Variants in CD151 observed in about 807,000 individuals in gnomAD.
CD151 encodes the protein CD151 molecule (Raph blood group), also known as CD151 antigen.
Under a neutral mutation model 34.2 loss-of-function variants are expected in CD151, and 20 were observed. The ratio of observed to expected loss-of-function variants is 0.58; its 90% CI spans 0.41 to 0.85. The LOEUF (loss-of-function observed/expected upper bound fraction) is 0.85. Ranked by LOEUF, CD151 falls within the 40% of genes least tolerant of loss-of-function variation. CD151 has a pLI of 0.00. For missense variants in CD151, 306 were observed against 324.5 expected, an observed-to-expected ratio of 0.94 and a Z score of 0.44; for synonymous variants, 157 against 131.7, an observed-to-expected ratio of 1.19 and a Z score of -1.32.
chr11:837,450 C>T lies in CD151; in HGVS notation c.457-10C>T. ...CCCAGGTCTCAACCCCAGCCTTGTT[C>T]TTGATGCAGTTCCACTGCTGTGGCA... On this transcript the variant is annotated splice_polypyrimidine_tract_variant and intron_variant, in intron 6 of 8. Coordinates refer to ENST00000397420, the MANE Select transcript of CD151 (RefSeq NM_004357.5). The T allele has an allele frequency of 6.2e-7, 1 of 1,612,784 alleles. No individual in the cohort carries two copies. Among genetic ancestry groups the T allele is most frequent in the Non-Finnish European group, 8.5e-7 (1 of 1,179,860 alleles).
chr11:838,277 C>A lies in CD151; in HGVS notation c.*85C>A. The stretch of plus-strand genomic sequence containing the variant: ...AGGGGCTGGGCTCCCTGATGACACC[C>A]ACCCTGTGCCATCACCATAACCTCT... On this transcript the variant is annotated 3_prime_UTR_variant, in exon 9 of 9. Transcript: ENST00000397420. 9.0e-7 allele frequency: 1 copy of A among 1,112,906 alleles called. No homozygotes were observed. The highest frequency in any genetic ancestry group is 1.4e-6 in the Non-Finnish European group (1 of 730,246). The allele number at this position is 1,112,906 out of a possible 1,614,324, so 68.9% of individuals were successfully genotyped here.
intron 5 of CD151, 169 bp from the exon 6 acceptor site, chr11:837,081 G>C: frequency 1.5e-6 from 1 of 669,956 alleles, no homozygotes; most frequent in Non-Finnish European, 2.7e-6. Context: ...TCACCCTGGT[G>C]ACGGTCCTGG....
intron 1 of CD151, among the ~76,000 whole-genome samples, 196 bp downstream of exon 1, chr11:833,222 C>T (rs1846600532): frequency 1.1e-5 from 1 of 93,500 alleles, no homozygotes; most frequent in Non-Finnish European, 2.5e-5. Context: ...GCCCCAGCTC[C>T]CTCGCCTGCC....
At position 836,856 on chromosome 11, in the gene CD151, G is replaced by A; in HGVS notation, c.351+13G>A. The A allele has an allele frequency of 6.2e-7, 1 of 1,611,064 alleles. No individual in the cohort carries two copies. Among genetic ancestry groups the A allele is most frequent in the Middle Eastern group, 1.7e-4 (1 of 6,056 alleles). On this transcript the variant is annotated intron_variant, in intron 5 of 8. Coordinates refer to ENST00000397420, the MANE Select transcript of CD151 (RefSeq NM_004357.5). ...CTACTACCAGCAGGTGAGGGGCCTG[G>A]GCAGGCCATTCAGAGACACAGACAT...
intron 1 of CD151, among the ~76,000 whole-genome samples, chr11:833,444 G>C (rs1846614723): frequency 1.3e-5 from 2 of 152,224 alleles, no homozygotes; most frequent in African/African-American, 4.8e-5. Context: ...GCCATTGGCC[G>C]CGCCGGGCGG....
chr11:836,172 G>GTCCCCA lies in CD151; in HGVS notation c.84+19_84+20insTCCCCA. On this transcript the variant is annotated intron_variant, in intron 3 of 8. Transcript: ENST00000397420. Reference sequence around the variant, plus strand: ...CTTCTGGGTGAGGAGGGGTCGCCTTGCCCCCACCCCCACCCCCACCCCTCC... The same window carrying GTCCCCA: ...CTTCTGGGTGAGGAGGGGTCGCCTTGTCCCCACCCCCACCCCCACCCCCACCCCTCC... 1 of 1,547,482 alleles carries GTCCCCA rather than the reference G, an allele frequency of 6.5e-7. No individual in the cohort carries two copies.
intron 1 of CD151, among the ~76,000 whole-genome samples, chr11:833,240 G>A (rs1034103897): frequency 1.6e-4 from 25 of 152,044 alleles, no homozygotes; most frequent in African/African-American, 5.8e-4. Context: ...GCCCTTCCGC[G>A]GGAGGCGGAC....
At chr11:833,977 C>T (rs71469835) in intron 1 of CD151, 3 of 152,364 alleles carry the variant, frequency 2.0e-5, no homozygotes, top group African/African-American at 4.8e-5. Context: ...TCCATGATGC[C>T]TCTTTCCCAG....
At chr11:836,470 G>C (rs774058678) in intron 4 of CD151, 28 bp downstream of exon 4, 1 of 1,555,022 alleles carries the variant, frequency 6.4e-7, no homozygotes, top group Admixed American at 1.8e-5. Flanking sequence ...CCACGGGGTG[G>C]GGGTGGTGCA....
In CD151 at chr11:837,238, C is replaced by T. The variant is rs986919379; in HGVS notation, c.352-12C>T. 1.2e-6 allele frequency: 2 copies of T among 1,608,114 alleles called. No homozygotes were observed. The highest frequency in any genetic ancestry group is 1.3e-5 in the African/African-American group (1 of 74,796). On this transcript the variant is annotated splice_polypyrimidine_tract_variant and intron_variant, in intron 5 of 8. Coordinates refer to ENST00000397420, the MANE Select transcript of CD151 (RefSeq NM_004357.5). The stretch of plus-strand genomic sequence containing the variant: ...TAGACTGAGGCTGAAGTTTCCTGCA[C>T]CCCAACCCCAGCTGAACACGGAGCT...
At position 834,516 on chromosome 11, in the gene CD151, C is replaced by T. The variant is rs1038441694; in HGVS notation, c.-69-14C>T. ...ACCTGTAACCTGTGACCTGACATGT[C>T]CTTGCCCCTCTAGCCTAGAGTCCTG... is the stretch of plus-strand genomic sequence containing the variant. On this transcript the variant is annotated splice_polypyrimidine_tract_variant and intron_variant, in intron 1 of 8. Transcript: ENST00000397420. 6.6e-6 allele frequency: 1 copy of T among 152,426 alleles called. No homozygotes were observed. The highest frequency in any genetic ancestry group is 1.5e-5 in the Non-Finnish European group (1 of 68,220). The allele number at this position is 152,426 out of a possible 1,614,324, so 9.4% of individuals were successfully genotyped here. A position where few individuals can be genotyped will look rare whatever the true frequency, so the allele number is the denominator to read the frequency against.
intron 1 of CD151, chr11:834,321 T>TGCACTCCAGCCTGGGTGACAGAGCG (rs1846670989): frequency 6.6e-6 from 1 of 152,290 alleles, no homozygotes; most frequent in Non-Finnish European, 1.5e-5. Context: ...ATCGTGCCAT[T>TGCACTCCAGCCTGGGTGACAGAGCG]GCACTCCAGC....
intron 4 of CD151, 151 bp from the exon 5 acceptor site, chr11:836,618 C>A (rs1019400031): frequency 1.6e-5 from 14 of 862,808 alleles, no homozygotes; most frequent in Non-Finnish European, 2.6e-5. Context: ...TGAGGGAAGA[C>A]ACCAGCTCCG....
intron 4 of CD151, 82 bp from the exon 5 acceptor site, chr11:836,687 G>A (rs984010079): frequency 1.5e-4 from 202 of 1,367,816 alleles, no homozygotes; most frequent in Middle Eastern, 1.3e-3. Flanking sequence ...CTGGGGAGCC[G>A]GGGTGGGGAC....
chr11:833,070 G>A (rs902898318), intron 1 of CD151, 44 bp downstream of exon 1: 1 of 130,386 alleles, frequency 7.7e-6, no homozygotes, highest in African/African-American at 2.8e-5. Flanking sequence ...GGGCGAGCGG[G>A]GCGAGGGGGG....
At position 837,914 on chromosome 11, in the gene CD151, G is replaced by A. The variant is rs563094795; in HGVS notation, c.616-28G>A. On this transcript the variant is annotated intron_variant, in intron 7 of 8. Transcript: ENST00000397420. ...CCAGTGGGAGGTGCCCCCTGGGCCCGCCTTCAACACCCATCCGCGCCCCGC... is the reference window on the plus strand; with the variant it reads ...CCAGTGGGAGGTGCCCCCTGGGCCCACCTTCAACACCCATCCGCGCCCCGC... The A allele has an allele frequency of 5.5e-5, 86 of 1,576,652 alleles. No individual in the cohort carries two copies. In the East Asian group the frequency reaches 1.0e-3, roughly 19 times the overall value.
At position 836,005 on chromosome 11, in the gene CD151, G is replaced by A. The variant is rs575070585; in HGVS notation, c.-7-58G>A. The A allele has an allele frequency of 5.6e-4, 574 of 1,021,562 alleles. 8 individuals carry two copies. In the South Asian group the frequency reaches 6.2e-3, roughly 11 times the overall value. 63.3% of individuals were successfully genotyped at this position (1,021,562 alleles called of 1,614,324 possible). On this transcript the variant is annotated intron_variant, in intron 2 of 8. Transcript: ENST00000397420. ...CCTGGCCCTGTGTCCCCTCCTATCC[G>A]TCTCCCAGTCAGGGGCCCGGTGCTG...
Position 836,289 on chromosome 11 carries a change from G to T in CD151, c.123G>T (p.Thr41=). ...CTGTCATGGCAGTGGGCATCTGGACGCTGGCCCTCAAGAGTGACTACATCA... is the reference window on the plus strand; with the variant it reads ...CTGTCATGGCAGTGGGCATCTGGACTCTGGCCCTCAAGAGTGACTACATCA... ...GLAVMAVGIW[T]LALKSDYISL... is the part of the protein sequence containing the mutation. The change falls in exon 4 of 9, where the codon ACG becomes ACT. Residue 41 remains threonine (T), a synonymous_variant. Coordinates refer to ENST00000397420, the MANE Select transcript of CD151 (RefSeq NM_004357.5). 6.2e-7 allele frequency: 1 copy of T among 1,612,642 alleles called. No individual in the cohort carries two copies. The highest frequency in any genetic ancestry group is 8.5e-7 in the Non-Finnish European group (1 of 1,179,876).
chr11:838,668 C>G lies in CD151; in HGVS notation c.*476C>G. The G allele has an allele frequency of 4.7e-6, 1 of 213,378 alleles. No homozygotes were observed. The allele number at this position is 213,378 out of a possible 1,614,324, so 13.2% of individuals were successfully genotyped here. ...CTCGACAGCGCCCCTGCTGTCTTCC[C>G]CACCGCAGTCACCACCACCCGAAAT... On this transcript the variant is annotated 3_prime_UTR_variant, in exon 9 of 9. Transcript: ENST00000397420.
Sources: gnomAD v4.1 joint callset for allele counts (sites outside exome capture counted in the v4.1 genomes callset) on GRCh38, gnomAD v4.1.1 for gene constraint, MANE v1.5 for transcripts, NCBI Gene and HGNC (gene_info 2026-07-23, HGNC 2026-07-21) for gene names.